STAU2: variants seen among roughly 807,000 people sequenced by gnomAD.
STAU2 encodes the protein double-stranded RNA-binding protein Staufen homolog 2.
In STAU2, 20 loss-of-function variants were observed where a neutral mutation model predicts 65.9. The observed-to-expected ratio is 0.30, with a 90% confidence interval of 0.21 to 0.44. The LOEUF is 0.44. Ranked by LOEUF, STAU2 falls within the 20% of genes least tolerant of loss-of-function variation. The pLI is 1.00. For missense variants in STAU2, 558 were observed against 683.9 expected, an observed-to-expected ratio of 0.82 and a Z score of 2.05; for synonymous variants, 232 against 233.9, an observed-to-expected ratio of 0.99 and a Z score of 0.07.
intron 13 of STAU2, among the ~76,000 whole-genome samples, chr8:73,452,196 G>A (rs1818835547): frequency 6.6e-6 from 1 of 152,144 alleles, no homozygotes; most frequent in Admixed American, 6.5e-5. Flanking sequence ...TCTCTCAAGA[G>A]GCTCCCTCCA....
intron 7 of STAU2, among the ~76,000 whole-genome samples, chr8:73,616,520 C>T (rs1048510652): frequency 2.0e-5 from 3 of 151,784 alleles, no homozygotes; most frequent in Non-Finnish European, 4.4e-5. Flanking sequence ...ACTATGCTGC[C>T]GGGCATGGTG....
At chr8:73,643,247 A>T (rs1008082074) in intron 6 of STAU2, among the ~76,000 whole-genome samples, 38 of 152,328 alleles carry the variant, frequency 2.5e-4, no homozygotes, top group African/African-American at 8.7e-4. Flanking sequence ...CATCCTCCAC[A>T]CTAGGCAGCT....
intron 13 of STAU2, among the ~76,000 whole-genome samples, chr8:73,434,805 T>C (rs188446675): frequency 7.9e-5 from 12 of 152,066 alleles, no homozygotes; most frequent in East Asian, 5.8e-4. Flanking sequence ...TTTTTGTTCA[T>C]TCCTTCAGCC....
At chr8:73,532,538 A>C (rs2128933776) in intron 13 of STAU2, among the ~76,000 whole-genome samples, 1 of 152,270 alleles carries the variant, frequency 6.6e-6, no homozygotes, top group East Asian at 1.9e-4. Context: ...AAAATTAGAC[A>C]GGTGTGGTGT....
intron 13 of STAU2, among the ~76,000 whole-genome samples, chr8:73,467,147 G>C (rs1421722817): frequency 6.6e-6 from 1 of 152,230 alleles, no homozygotes; most frequent in East Asian, 1.9e-4. Context: ...CAGGGCAGAA[G>C]TCTCACTTTT....
rs756590398 is a variant in STAU2, at chr8:73,456,847, AT to A, written c.1531-34146del. Among the ~76,000 whole-genome samples the A allele has an allele frequency of 7.2e-5, 11 of 152,318 alleles. No homozygotes were observed. The East Asian group carries it at 1.3e-3, about 19-fold the overall frequency. On this transcript the variant is annotated intron_variant, in intron 13 of 14. Transcript: ENST00000524300. ...ACAGTACAGGGGCTGCTAGATTCAA[AT>A]TCCAGGAGTTGTACAGAACATTTTA...
At chr8:73,723,111 C>A (rs573920735) in intron 3 of STAU2, among the ~76,000 whole-genome samples, 1 of 150,336 alleles carries the variant, frequency 6.7e-6, no homozygotes, top group South Asian at 2.1e-4. Context: ...CACACACCCA[C>A]ACACACACAC....
At chr8:73,568,019 T>C (rs1808750632) in intron 12 of STAU2, among the ~76,000 whole-genome samples, 1 of 152,198 alleles carries the variant, frequency 6.6e-6, no homozygotes, top group Non-Finnish European at 1.5e-5. Context: ...GAATGATGCA[T>C]TAACATTATA....
intron 8 of STAU2, among the ~76,000 whole-genome samples, chr8:73,615,093 AG>A (rs1465314547): frequency 2.6e-5 from 4 of 152,152 alleles, no homozygotes; most frequent in Non-Finnish European, 5.9e-5. Flanking sequence ...TCCAGACATG[AG>A]TTGTAAAATT....
At chr8:73,445,700 C>T (rs1818429693) in intron 13 of STAU2, among the ~76,000 whole-genome samples, 1 of 152,174 alleles carries the variant, frequency 6.6e-6, no homozygotes, top group Non-Finnish European at 1.5e-5. Context: ...GGGCAAAGGA[C>T]ATGAAGAGAC....
At chr8:73,473,038 A>G (rs1040017915) in intron 13 of STAU2, among the ~76,000 whole-genome samples, 2 of 152,224 alleles carry the variant, frequency 1.3e-5, no homozygotes, top group Non-Finnish European at 2.9e-5. Flanking sequence ...AAAAAAATAT[A>G]ACACTCCACA....
At chr8:73,686,528 G>A (rs1277940455) in intron 5 of STAU2, among the ~76,000 whole-genome samples, 8 of 148,730 alleles carry the variant, frequency 5.4e-5, no homozygotes, top group African/African-American at 7.5e-5. Flanking sequence ...CCAGCCTGGT[G>A]ACAGAGCGAG....
chr8:73,557,243 C>T (rs1196862822), intron 12 of STAU2, among the ~76,000 whole-genome samples: 1 of 152,136 alleles, frequency 6.6e-6, no homozygotes, highest in Non-Finnish European at 1.5e-5. Flanking sequence ...TACAGTAAAG[C>T]CTAAGTGGAC....
intron 4 of STAU2, 62 bp from the exon 5 acceptor site, chr8:73,688,875 G>C: frequency 6.4e-7 from 1 of 1,569,048 alleles, no homozygotes; most frequent in Non-Finnish European, 8.7e-7. Flanking sequence ...AAAATTGGCT[G>C]TCTGAGAGAA....
At chr8:73,530,639 G>A (rs1805751835) in intron 13 of STAU2, among the ~76,000 whole-genome samples, 2 of 152,288 alleles carry the variant, frequency 1.3e-5, no homozygotes, top group Admixed American at 1.3e-4. Flanking sequence ...TGAGTTTGCT[G>A]TATATCCCTG....
chr8:73,687,660 C>T (rs1001524942), intron 5 of STAU2, among the ~76,000 whole-genome samples: 1 of 151,172 alleles, frequency 6.6e-6, no homozygotes, highest in African/African-American at 2.4e-5. Flanking sequence ...ACCCAGGCCT[C>T]CCAAAGTGCT....
chr8:73,422,717 A>G lies in STAU2; in HGVS notation c.1531-15T>C, dbSNP rs1816473180. The G allele has an allele frequency of 7.4e-7, 1 of 1,357,656 alleles. No homozygotes were observed. The highest frequency in any genetic ancestry group is 2.0e-5 in the African/African-American group (1 of 49,666). The allele number at this position is 1,357,656 out of a possible 1,614,324, so 84.1% of individuals were successfully genotyped here. ...CTTAAGGCTGCCTAAAAATGAAAAC[A>G]AACAGAGAGAGCCATTCACTGACTC... On this transcript the variant is annotated splice_polypyrimidine_tract_variant and intron_variant, in intron 13 of 14. Coordinates refer to ENST00000524300, the MANE Select transcript of STAU2 (RefSeq NM_001164380.2).
chr8:73,547,241 G>A (rs7826761), intron 13 of STAU2, among the ~76,000 whole-genome samples: 52,654 of 152,024 alleles, frequency 0.35, 10,514 homozygotes, highest in Non-Finnish European at 0.45. Context: ...CATAGTTTAC[G>A]CAGTAATAAT....
intron 12 of STAU2, among the ~76,000 whole-genome samples, chr8:73,582,162 T>G (rs903035312): frequency 2.6e-5 from 4 of 152,318 alleles, no homozygotes; most frequent in Middle Eastern, 3.4e-3. Context: ...GAAATTGTTT[T>G]TTAAGTGTTT....
Sources: gnomAD v4.1 joint callset for allele counts (sites outside exome capture counted in the v4.1 genomes callset) on GRCh38, gnomAD v4.1.1 for gene constraint, MANE v1.5 for transcripts, NCBI Gene and HGNC (gene_info 2026-07-23, HGNC 2026-07-21) for gene names.